NREP: variants seen among roughly 807,000 people sequenced by gnomAD.
The protein encoded by NREP is neuronal regeneration related protein, also known as neuronal regeneration-related protein.
NREP carries 5 observed loss-of-function variants against 8.6 expected under a neutral mutation model. The observed-to-expected ratio is 0.58, with a 90% CI of 0.30 to 1.22. The LOEUF is 1.22. NREP is among the 50% of genes most tolerant of loss of function. NREP has a pLI of 0.07. For synonymous variants in NREP, 27 were observed against 28.0 expected, an observed-to-expected ratio of 0.96 and a Z score of 0.11; for missense variants, 86 against 82.5, an observed-to-expected ratio of 1.04 and a Z score of -0.17.
rs115134260 is a variant in NREP at position 111,896,733 on chromosome 5, T to A, written c.135+78541A>T. ...TTAACAATTAGACCTCGCTGCTTAA[T>A]AGGTTCCTTTTGTCTACTGAAAAAT... On this transcript the variant is annotated intron_variant, in intron 2 of 3. Transcript: ENST00000395634. 3.4e-3 allele frequency among the ~76,000 whole-genome samples: 514 copies of A among 152,334 alleles called. 6 individuals carry two copies. The highest frequency in any genetic ancestry group is 0.016 in the South Asian group (78 of 4,828).
At chr5:111,960,045 G>A (rs1326766244) in intron 2 of NREP, among the ~76,000 whole-genome samples, 1 of 151,872 alleles carries the variant, frequency 6.6e-6, no homozygotes, top group Non-Finnish European at 1.5e-5. Context: ...TCAGAGTCAA[G>A]TTTTTCAAAA....
intron 2 of NREP, among the ~76,000 whole-genome samples, chr5:111,812,956 T>C (rs1421139681): frequency 6.6e-6 from 1 of 152,184 alleles, no homozygotes; most frequent in Non-Finnish European, 1.5e-5. Flanking sequence ...AGTCAATAGA[T>C]AGTATGTTGT....
downstream of NREP, chr5:111,729,291 C>T (rs1352403996): frequency 6.6e-6 from 1 of 152,116 alleles, no homozygotes; most frequent in African/African-American, 2.4e-5. Context: ...AATGATGAGC[C>T]AAATCAGACA....
intron 2 of NREP, among the ~76,000 whole-genome samples, chr5:111,853,138 T>C (rs545113295): frequency 6.6e-6 from 1 of 152,186 alleles, no homozygotes; most frequent in East Asian, 1.9e-4. Context: ...AGAAACCTGA[T>C]TTTAAAAATA....
chr5:111,859,626 C>T (rs1753500810), intron 2 of NREP, among the ~76,000 whole-genome samples: 1 of 152,038 alleles, frequency 6.6e-6, no homozygotes, highest in Admixed American at 6.6e-5. Context: ...ACCCCGCTGG[C>T]TCACCCCTCT....
chr5:111,916,291 A>G (rs1755055689), intron 2 of NREP, among the ~76,000 whole-genome samples: 1 of 151,766 alleles, frequency 6.6e-6, no homozygotes, highest in Non-Finnish European at 1.5e-5. Flanking sequence ...AGCCATAATC[A>G]CAGTCATCAT....
chr5:111,888,567 T>G (rs1754318957), intron 2 of NREP, among the ~76,000 whole-genome samples: 1 of 152,140 alleles, frequency 6.6e-6, no homozygotes, highest in Admixed American at 6.5e-5. Flanking sequence ...CATGTGGGGA[T>G]TACGGAGATT....
At chr5:111,841,855 T>C (rs1465688883) in intron 2 of NREP, among the ~76,000 whole-genome samples, 2 of 152,166 alleles carry the variant, frequency 1.3e-5, no homozygotes, top group African/African-American at 4.8e-5. Context: ...TGCTTACTGC[T>C]AATGTTTCAT....
intron 2 of NREP, among the ~76,000 whole-genome samples, chr5:111,902,145 A>T (rs1020508046): frequency 1.3e-5 from 2 of 152,140 alleles, no homozygotes; most frequent in Non-Finnish European, 2.9e-5. Flanking sequence ...ATTAATCTAT[A>T]TATTTTCAGC....
chr5:111,793,022 C>A (rs1380743168), intron 2 of NREP, among the ~76,000 whole-genome samples: 1 of 152,128 alleles, frequency 6.6e-6, no homozygotes, highest in Non-Finnish European at 1.5e-5. Context: ...GAATAGGGGA[C>A]ATGTCGTACT....
chr5:111,837,435 A>G (rs1307693528), intron 2 of NREP, among the ~76,000 whole-genome samples: 2 of 152,104 alleles, frequency 1.3e-5, no homozygotes, highest in East Asian at 3.8e-4. Context: ...AAGATATTGT[A>G]TATATGAAAA....
intron 2 of NREP, among the ~76,000 whole-genome samples, chr5:111,943,476 C>T (rs981681694): frequency 1.3e-5 from 2 of 152,034 alleles, no homozygotes; most frequent in Non-Finnish European, 2.9e-5. Context: ...AAACCTATAT[C>T]TCTAGCTTGA....
intron 2 of NREP, among the ~76,000 whole-genome samples, chr5:111,764,779 C>A (rs1751042320): frequency 1.3e-5 from 2 of 152,062 alleles, no homozygotes; most frequent in Admixed American, 6.6e-5. Flanking sequence ...AGAAGGTAAA[C>A]CCCTGACAGA....
At chr5:111,805,268 A>C (rs13182933) in intron 2 of NREP, among the ~76,000 whole-genome samples, 52,964 of 152,096 alleles carry the variant, frequency 0.35, 9,674 homozygotes, top group East Asian at 0.62. Flanking sequence ...TGAAGGGGAA[A>C]AATGCTTCAC....
chr5:111,886,488 C>G (rs986195533), intron 2 of NREP, among the ~76,000 whole-genome samples: 19 of 151,922 alleles, frequency 1.3e-4, no homozygotes, highest in African/African-American at 3.9e-4. Context: ...ACCCAAAGGA[C>G]TATAAATCAT....
rs191084999 is a variant in NREP, at chr5:111,905,849, C to T, written c.135+69425G>A. Among the ~76,000 whole-genome samples, 473 of 151,858 alleles carry T rather than the reference C, an allele frequency of 3.1e-3. 3 individuals carry two copies. The highest frequency in any genetic ancestry group is 0.011 in the African/African-American group (465 of 41,434). On this transcript the variant is annotated intron_variant, in intron 2 of 3. Coordinates refer to the NREP transcript ENST00000395634. ...TTTAATAAAATTAAATACATCTGAC[C>T]CATTCCTGTGTAAATGTATACAAAT...
At chr5:111,769,489 C>A (rs1000795597) in intron 2 of NREP, among the ~76,000 whole-genome samples, 12 of 152,218 alleles carry the variant, frequency 7.9e-5, no homozygotes, top group African/African-American at 2.9e-4. Flanking sequence ...CTCTTTGAGG[C>A]AGCACTTGAG....
Position 111,731,151 on chromosome 5 carries a change from C to CATTATACCCTTGAACTCTTGCTGTTTT in NREP, c.82-132_82-106dup, listed in dbSNP as rs1380763049. On this transcript the variant is annotated intron_variant, in intron 3 of 3. Transcript: ENST00000257435. The stretch of plus-strand genomic sequence containing the variant: ...AATTTTGCTTTTCCTGCCCAGCCCA[C>CATTATACCCTTGAACTCTTGCTGTTTT]ATTATACCCTTGAACTCTTGCTGTT... The CATTATACCCTTGAACTCTTGCTGTTTT allele has an allele frequency of 4.9e-6, 6 of 1,223,256 alleles. No homozygotes were observed. In the African/African-American group the frequency reaches 9.1e-5, roughly 19 times the overall value. The allele number at this position is 1,223,256 out of a possible 1,614,324, so 75.8% of individuals were successfully genotyped here.
rs1397933642 is a variant in NREP at position 111,975,363 on chromosome 5, C to T, written c.46G>A (p.Glu16Lys). 3 of 1,551,500 alleles carry T rather than the reference C, an allele frequency of 1.9e-6. No individual in the cohort carries two copies. In the African/African-American group the frequency reaches 4.1e-5, roughly 21 times the overall value. Residue 16 changes from glutamate (E) to lysine (K), a missense_variant, in exon 2 of 4, where the codon GAA becomes AAA. By Grantham distance (56) the Glu-to-Lys change is moderately conservative. Coordinates refer to the NREP transcript ENST00000395634. Reference sequence around the variant, plus strand: ...ATCCTGCTCCTCTGGGTTCGTGTTTCATCTTCTCTTCGGCTCTGCAGACAA... The same window carrying T: ...ATCCTGCTCCTCTGGGTTCGTGTTTTATCTTCTCTTCGGCTCTGCAGACAA...
Sources: allele counts gnomAD v4.1 joint callset (sites outside exome capture counted in the v4.1 genomes callset), GRCh38; gene constraint gnomAD v4.1.1; transcripts MANE v1.5; gene names NCBI Gene and HGNC (gene_info 2026-07-23, HGNC 2026-07-21).